Variants in UNC5D observed in about 807,000 individuals in gnomAD.
The protein encoded by UNC5D is unc-5 netrin receptor D.
In UNC5D, 39 loss-of-function variants were observed where a neutral mutation model predicts 105.4. The ratio of observed to expected loss-of-function variants is 0.37; its 90% CI spans 0.29 to 0.48. The LOEUF is 0.48. Among genes scored for constraint, UNC5D ranks in the 20% least tolerant of loss-of-function variants. The pLI, the probability that UNC5D is intolerant of heterozygous loss-of-function variation, is 0.98. For missense variants in UNC5D, 991 were observed against 1,202.4 expected, an observed-to-expected ratio of 0.82 and a Z score of 2.60; for synonymous variants, 452 against 450.4, an observed-to-expected ratio of 1.00 and a Z score of -0.04.
intron 1 of UNC5D, among the ~76,000 whole-genome samples, chr8:35,334,714 A>G (rs988445622): frequency 2.0e-5 from 3 of 151,994 alleles, no homozygotes; most frequent in African/African-American, 7.2e-5. Context: ...GGGTTTCACC[A>G]TGTTGGCAAG....
At chr8:35,673,982 G>C (rs1184023321) in intron 4 of UNC5D, among the ~76,000 whole-genome samples, 1 of 152,158 alleles carries the variant, frequency 6.6e-6, no homozygotes, top group East Asian at 1.9e-4. Flanking sequence ...GACTTGGCAT[G>C]ACCTATCCGT....
intron 14 of UNC5D, among the ~76,000 whole-genome samples, chr8:35,761,980 G>A (rs556920367): frequency 2.6e-5 from 4 of 152,236 alleles, no homozygotes; most frequent in Admixed American, 6.5e-5. Context: ...CCTATTTCTC[G>A]TTATCCCAGA....
chr8:35,700,643 C>T (rs950801648), intron 7 of UNC5D, among the ~76,000 whole-genome samples: 9 of 152,106 alleles, frequency 5.9e-5, no homozygotes, highest in South Asian at 4.2e-4. Context: ...CTTCCCAAGG[C>T]GAGACAACAG....
chr8:35,264,496 G>A (rs1025673276), intron 1 of UNC5D, among the ~76,000 whole-genome samples: 6 of 152,146 alleles, frequency 3.9e-5, no homozygotes, highest in African/African-American at 1.2e-4. Flanking sequence ...GGGAGGCCGA[G>A]GTGGGTGGAT....
At chr8:35,316,658 T>C (rs1401411234) in intron 1 of UNC5D, among the ~76,000 whole-genome samples, 4 of 152,152 alleles carry the variant, frequency 2.6e-5, no homozygotes, top group Admixed American at 6.6e-5. Flanking sequence ...CTTTTGATTT[T>C]TGGGATGTTT....
intron 1 of UNC5D, among the ~76,000 whole-genome samples, chr8:35,409,100 A>T (rs1358018849): frequency 6.6e-6 from 1 of 151,994 alleles, no homozygotes; most frequent in Non-Finnish European, 1.5e-5. Flanking sequence ...TGAGTCAATA[A>T]TTTGCTTTTA....
At chr8:35,468,593 T>G (rs187027345) in intron 1 of UNC5D, among the ~76,000 whole-genome samples, 32 of 152,306 alleles carry the variant, frequency 2.1e-4, no homozygotes, top group African/African-American at 1.9e-4. Context: ...CTTGAGTTAT[T>G]ACATTCATGT....
chr8:35,753,581 C>CT (rs1830386021), intron 13 of UNC5D, among the ~76,000 whole-genome samples: 1 of 152,170 alleles, frequency 6.6e-6, no homozygotes, highest in African/African-American at 2.4e-5. Context: ...TAGTAAAACT[C>CT]TTTAATTTTG....
intron 10 of UNC5D, chr8:35,727,981 A>G (rs1013748532): frequency 6.7e-6 from 1 of 148,640 alleles, no homozygotes; most frequent in Admixed American, 6.8e-5. Context: ...ACACACCTGT[A>G]GTCCCAGCTA....
At chr8:35,478,186 C>T (rs527507000) in intron 1 of UNC5D, among the ~76,000 whole-genome samples, 1 of 152,108 alleles carries the variant, frequency 6.6e-6, no homozygotes, top group South Asian at 2.1e-4. Flanking sequence ...ATGGGTTTAC[C>T]TCTTCAAAAA....
Position 35,790,418 on chromosome 8 carries a change from AAGCTCGTCATC to A in UNC5D, c.2721_2731del (p.Arg908Ter), listed in dbSNP as rs1356134449. Reference sequence around the variant, plus strand: ...TCTGCTGTCATTTTGAACCTGTGGGAAGCTCGTCATCAGCATGATGGTGATCTTGACTCCCT... The same window carrying A: ...TCTGCTGTCATTTTGAACCTGTGGGAAGCATGATGGTGATCTTGACTCCCT... On this transcript the variant is annotated frameshift_variant, in exon 17 of 17. Coordinates refer to ENST00000404895, the MANE Select transcript of UNC5D (RefSeq NM_080872.4). LOFTEE classifies it high-confidence loss of function. The A allele has an allele frequency of 6.2e-7, 1 of 1,613,932 alleles. No homozygotes were observed. The highest frequency in any genetic ancestry group is 1.7e-5 in the Admixed American group (1 of 59,990).
At chr8:35,525,940 C>T (rs1268250851) in intron 1 of UNC5D, among the ~76,000 whole-genome samples, 3 of 152,156 alleles carry the variant, frequency 2.0e-5, no homozygotes, top group Non-Finnish European at 4.4e-5. Flanking sequence ...CAAATATGGT[C>T]CCTTATTTTG....
At chr8:35,243,976 A>T (rs1802943325) in intron 1 of UNC5D, among the ~76,000 whole-genome samples, 2 of 152,230 alleles carry the variant, frequency 1.3e-5, no homozygotes, top group Admixed American at 1.3e-4. Flanking sequence ...AGAGGGTTTG[A>T]CATTTGTTTT....
chr8:35,348,106 A>G (rs1811934473), intron 1 of UNC5D, among the ~76,000 whole-genome samples: 1 of 151,920 alleles, frequency 6.6e-6, no homozygotes. Flanking sequence ...CATTATCCCC[A>G]CCTCTCCATC....
chr8:35,635,520 G>T (rs1343424779), intron 4 of UNC5D, among the ~76,000 whole-genome samples: 1 of 152,042 alleles, frequency 6.6e-6, no homozygotes, highest in Non-Finnish European at 1.5e-5. Flanking sequence ...ATAACTCATT[G>T]CCTTGCCTGC....
At chr8:35,298,304 C>T in intron 1 of UNC5D, among the ~76,000 whole-genome samples, 1 of 152,182 alleles carries the variant, frequency 6.6e-6, no homozygotes, top group East Asian at 1.9e-4. Flanking sequence ...TAAGCATACC[C>T]TATCCACTTC....
At chr8:35,318,873 C>T (rs769203501) in intron 1 of UNC5D, among the ~76,000 whole-genome samples, 9 of 152,000 alleles carry the variant, frequency 5.9e-5, no homozygotes, top group Non-Finnish European at 1.2e-4. Flanking sequence ...GTAACCTATC[C>T]ATTACGAGTG....
intron 4 of UNC5D, among the ~76,000 whole-genome samples, chr8:35,643,297 C>T (rs1586321395): frequency 1.3e-5 from 2 of 152,102 alleles, no homozygotes; most frequent in East Asian, 3.9e-4. Flanking sequence ...GAACCACCAC[C>T]CTAATTCTGT....
At chr8:35,597,629 C>T (rs1223068460) in intron 4 of UNC5D, among the ~76,000 whole-genome samples, 1 of 152,174 alleles carries the variant, frequency 6.6e-6, no homozygotes, top group Non-Finnish European at 1.5e-5. Context: ...TTGGCAGCAG[C>T]AGAGAGGGGT....
Sources: gnomAD v4.1 joint callset for allele counts (sites outside exome capture counted in the v4.1 genomes callset) on GRCh38, gnomAD v4.1.1 for gene constraint, MANE v1.5 for transcripts, NCBI Gene and HGNC (gene_info 2026-07-23, HGNC 2026-07-21) for gene names.